ROBO2: variants seen among roughly 807,000 people sequenced by gnomAD.
The protein encoded by ROBO2 is roundabout guidance receptor 2.
In ROBO2, 53 loss-of-function variants were observed where a neutral mutation model predicts 160.8. The observed-to-expected ratio is 0.33, with a 90% CI of 0.26 to 0.41. ROBO2 has a LOEUF of 0.41. Among genes scored for constraint, ROBO2 ranks in the 10% least tolerant of loss-of-function variants. The probability of loss-of-function intolerance (pLI) is 1.00; values close to 1 mark genes in which losing one functional copy is unlikely to be tolerated. For synonymous variants in ROBO2, 664 were observed against 611.7 expected, an observed-to-expected ratio of 1.09 and a Z score of -1.26; for missense variants, 1,577 against 1,722.4, an observed-to-expected ratio of 0.92 and a Z score of 1.49.
chr3:77,598,665 A>G (rs967089503), intron 19 of ROBO2, among the ~76,000 whole-genome samples: 2 of 151,642 alleles, frequency 1.3e-5, no homozygotes, highest in South Asian at 2.1e-4. Flanking sequence ...CCCACTTAGG[A>G]CTCTCACTTG....
intron 2 of ROBO2, among the ~76,000 whole-genome samples, chr3:76,447,370 A>G (rs1407671010): frequency 6.6e-6 from 1 of 151,538 alleles, no homozygotes; most frequent in African/African-American, 2.4e-5. Flanking sequence ...TAGAATGGCG[A>G]TCATTAAAAA....
intron 2 of ROBO2, among the ~76,000 whole-genome samples, chr3:76,887,178 C>G (rs1287890823): frequency 2.1e-5 from 3 of 144,528 alleles, no homozygotes; most frequent in African/African-American, 7.6e-5. Context: ...ATTGCCCTGC[C>G]TTTGCTTCAG....
In ROBO2 at chr3:76,318,307, G is replaced by T. The variant is rs151225883; in HGVS notation, c.109+380705G>T. On this transcript the variant is annotated intron_variant, in intron 2 of 26. Coordinates refer to the ROBO2 transcript ENST00000487694. ...TTTGAAGAAAACGATGTTGGGAAGC[G>T]TATGTTCTTTATAATGTCAGATTAT... 2.6e-3 allele frequency among the ~76,000 whole-genome samples: 403 copies of T among 152,118 alleles called. 3 individuals carry two copies. Among genetic ancestry groups the T allele is most frequent in the African/African-American group, 9.3e-3 (386 of 41,508 alleles).
At chr3:76,586,354 T>C (rs1197993948) in intron 2 of ROBO2, among the ~76,000 whole-genome samples, 1 of 152,210 alleles carries the variant, frequency 6.6e-6, no homozygotes, top group Non-Finnish European at 1.5e-5. Flanking sequence ...TAAACAGATA[T>C]GCCACCTCAT....
chr3:77,280,077 T>C (rs1449961207), intron 2 of ROBO2, among the ~76,000 whole-genome samples: 2 of 152,170 alleles, frequency 1.3e-5, no homozygotes, highest in African/African-American at 4.8e-5. Context: ...CTCAGACCTT[T>C]AGTTCAGCAT....
At chr3:77,567,770 A>T (rs2093526834) in intron 12 of ROBO2, among the ~76,000 whole-genome samples, 1 of 152,044 alleles carries the variant, frequency 6.6e-6, no homozygotes, top group Non-Finnish European at 1.5e-5. Context: ...ACCTTTAATG[A>T]CAGAATTCAC....
intron 2 of ROBO2, among the ~76,000 whole-genome samples, chr3:76,030,927 G>A (rs2066898360): frequency 1.3e-5 from 2 of 152,222 alleles, no homozygotes; most frequent in South Asian, 2.1e-4. Context: ...GCTTGATGGG[G>A]ATGGCACTGA....
At chr3:76,394,543 T>A (rs1333117903) in intron 2 of ROBO2, among the ~76,000 whole-genome samples, 3 of 152,140 alleles carry the variant, frequency 2.0e-5, no homozygotes, top group Admixed American at 1.3e-4. Context: ...TCTCTCTGAC[T>A]GCCCTTAACA....
intron 2 of ROBO2, among the ~76,000 whole-genome samples, chr3:76,014,019 T>C (rs2066307809): frequency 6.7e-6 from 1 of 149,266 alleles, no homozygotes; most frequent in African/African-American, 2.5e-5. Context: ...ATGCGTGTAA[T>C]CCCAGAAGTA....
chr3:76,673,181 A>G (rs2092314941), intron 2 of ROBO2, among the ~76,000 whole-genome samples: 1 of 149,990 alleles, frequency 6.7e-6, no homozygotes, highest in Non-Finnish European at 1.5e-5. Flanking sequence ...GTTCATCTCC[A>G]GTAACCCTAT....
At chr3:77,112,954 A>G (rs1413512217) in intron 2 of ROBO2, among the ~76,000 whole-genome samples, 1 of 152,234 alleles carries the variant, frequency 6.6e-6, no homozygotes, top group African/African-American at 2.4e-5. Context: ...AGGTAACAAG[A>G]CAGTTCTGAT....
intron 1 of ROBO2, among the ~76,000 whole-genome samples, chr3:75,932,816 A>G (rs1947602489): frequency 6.6e-6 from 1 of 152,226 alleles, no homozygotes; most frequent in African/African-American, 2.4e-5. Flanking sequence ...GTCAAAATTT[A>G]CATTTCCAAC....
chr3:77,005,489 AT>A (rs2061536266), intron 2 of ROBO2, among the ~76,000 whole-genome samples: 1 of 152,206 alleles, frequency 6.6e-6, no homozygotes, highest in African/African-American at 2.4e-5. Context: ...CACTAATTTC[AT>A]TTATGCTTCA....
rs1425169491 is a variant in ROBO2 at position 77,362,326 on chromosome 3, T to TG, written c.389-115083dup. ...GGGAATTTATAGCCAAGAAGTAGAG[T>TG]GGGGGTCAGTGGATGGAAAATTGCT... On this transcript the variant is annotated intron_variant, in intron 2 of 25. Transcript: ENST00000461745. Among the ~76,000 whole-genome samples the TG allele has an allele frequency of 2.6e-5, 4 of 151,666 alleles. No individual in the cohort carries two copies. In the East Asian group the frequency reaches 5.8e-4, roughly 22 times the overall value.
At chr3:76,852,409 A>G (rs2069501786) in intron 2 of ROBO2, among the ~76,000 whole-genome samples, 1 of 152,172 alleles carries the variant, frequency 6.6e-6, no homozygotes. Context: ...TTAATAACAG[A>G]GGCTCTAAAA....
intron 9 of ROBO2, among the ~76,000 whole-genome samples, chr3:77,562,134 ACT>A (rs2093341470): frequency 6.6e-6 from 1 of 152,044 alleles, no homozygotes; most frequent in African/African-American, 2.4e-5. Flanking sequence ...TTTCTTCTTC[ACT>A]TTTTTCCATG....
At chr3:76,983,607 A>G (rs1356208527) in intron 2 of ROBO2, among the ~76,000 whole-genome samples, 1 of 152,220 alleles carries the variant, frequency 6.6e-6, no homozygotes, top group Non-Finnish European at 1.5e-5. Context: ...CTACAAGGAC[A>G]AGAATACTGT....
intron 2 of ROBO2, among the ~76,000 whole-genome samples, chr3:76,253,068 G>A (rs1295938702): frequency 6.6e-6 from 1 of 151,906 alleles, no homozygotes; most frequent in Admixed American, 6.6e-5. Context: ...GACCTTCACA[G>A]CAACACCTAG....
intron 2 of ROBO2, among the ~76,000 whole-genome samples, chr3:77,378,499 G>T (rs2072991564): frequency 6.6e-6 from 1 of 152,094 alleles, no homozygotes; most frequent in Admixed American, 6.6e-5. Flanking sequence ...ACTTTCTATG[G>T]CTAAATTTAT....
Sources: gnomAD v4.1 joint callset for allele counts (sites outside exome capture counted in the v4.1 genomes callset) on GRCh38, gnomAD v4.1.1 for gene constraint, MANE v1.5 for transcripts, NCBI Gene and HGNC (gene_info 2026-07-23, HGNC 2026-07-21) for gene names.